The following RBM15B variants were observed in gnomAD, a reference collection of about 807,000 sequenced individuals.
The protein encoded by RBM15B is RNA binding motif protein 15B.
A neutral mutation model predicts 53.3 loss-of-function variants in RBM15B; 11 were observed. That is an observed-to-expected ratio of 0.21 (90% CI 0.13 to 0.34). The LOEUF (loss-of-function observed/expected upper bound fraction) is 0.34, where lower values mean the gene tolerates loss of function less well. Ranked by LOEUF, RBM15B falls within the 10% of genes least tolerant of loss-of-function variation. RBM15B has a pLI of 1.00. For synonymous variants in RBM15B, 631 were observed against 540.7 expected (o/e 1.17, Z -2.32); for missense variants, 1,136 against 1,250.3 (o/e 0.91, Z 1.38).
rs1342747670 is a variant in RBM15B, at chr3:51,392,791, C to T, written c.1392C>T (p.Asp464=). ...CCTATATTCAGTACGAGAGCTTGGA[C>T]GCAGCCCAGGCCGCCTGTGCTAAAA... ...SFAYIQYESL[D]AAQAACAKMR... The change falls in exon 1 of 1, where the codon GAC becomes GAT. Residue 464 remains aspartate, a synonymous_variant. Transcript: ENST00000563281. This position sits in a 1 kb window ranked among gnomAD's most constrained non-coding sequence, Gnocchi z 7.5. 3 of 1,614,008 alleles carry T rather than the reference C, an allele frequency of 1.9e-6. No homozygotes were observed. The highest frequency in any genetic ancestry group is 1.7e-5 in the Admixed American group (1 of 60,006).
Position 51,391,966 on chromosome 3 carries a change from C to T in RBM15B, c.567C>T (p.His189=), listed in dbSNP as rs781957475. 5.0e-6 allele frequency: 8 copies of T among 1,599,912 alleles called. No homozygotes were observed. In the Admixed American group the frequency reaches 1.2e-4, roughly 23 times the overall value. ...LGRVAYVNFR[H]PQDAREARQH... is the part of the protein sequence containing the mutation. ...GTGTGGCCTACGTGAATTTCCGGCACCCACAGGACGCACGCGAGGCCCGCC... is the reference window on the plus strand; with the variant it reads ...GTGTGGCCTACGTGAATTTCCGGCATCCACAGGACGCACGCGAGGCCCGCC... The change falls in exon 1 of 1, where the codon CAC becomes CAT. Residue 189 remains histidine (H), a synonymous_variant. Coordinates refer to ENST00000563281, the MANE Select transcript of RBM15B (RefSeq NM_013286.5). This position sits in a 1 kb window ranked among gnomAD's most constrained non-coding sequence, Gnocchi z 4.5.
chr3:51,392,288 G>C lies in RBM15B; in HGVS notation c.889G>C (p.Gly297Arg). Residue 297 changes from glycine (G) to arginine (R), a missense_variant, in exon 1 of 1, where the codon GGA becomes CGA. Coordinates refer to ENST00000563281, the MANE Select transcript of RBM15B (RefSeq NM_013286.5). This position sits in a 1 kb window ranked among gnomAD's most constrained non-coding sequence, Gnocchi z 7.5. Reference protein sequence around the residue: ...ALDAAAAAAVGLSRERALDYY... With the variant: ...ALDAAAAAAVRLSRERALDYY... The stretch of plus-strand genomic sequence containing the variant: ...GGATGCCGCTGCTGCCGCCGCCGTG[G>C]GACTGTCCCGGGAGCGGGCCCTGGA... The C allele has an allele frequency of 6.2e-7, 1 of 1,607,500 alleles. No individual in the cohort carries two copies. Among genetic ancestry groups the C allele is most frequent in the East Asian group, 2.2e-5 (1 of 44,806 alleles).
In RBM15B at chr3:51,391,439, C is replaced by T. The variant is rs2089034742; in HGVS notation, c.40C>T (p.Arg14Cys). The change falls in exon 1 of 1, where the codon CGC becomes TGC. Residue 14 changes from arginine to cysteine, a missense_variant. Coordinates refer to ENST00000563281, the MANE Select transcript of RBM15B (RefSeq NM_013286.5). This position sits in a 1 kb window ranked among gnomAD's most constrained non-coding sequence, Gnocchi z 4.5. ...CGAGCGAGACTCTAGCCCGAGCGGG[C>T]GCGGCTCGTCATCGTCCGCCAAGCG... ...QSERDSSPSG[R>C]GSSSSAKRPR... 2 of 1,269,702 alleles carry T rather than the reference C, an allele frequency of 1.6e-6. No homozygotes were observed. The highest frequency in any genetic ancestry group is 2.0e-6 in the Non-Finnish European group (2 of 1,004,654). The allele number at this position is 1,269,702 out of a possible 1,614,324, so 78.7% of individuals were successfully genotyped here. A position where few individuals can be genotyped will look rare whatever the true frequency, so the allele number is the denominator to read the frequency against.
In RBM15B at chr3:51,393,945, G is replaced by C. The variant is rs782719599; in HGVS notation, c.2546G>C (p.Gly849Ala). Residue 849 changes from glycine to alanine, a missense_variant, in exon 1 of 1, where the codon GGC becomes GCC. Physicochemically the swap from Gly to Ala is moderately conservative, Grantham distance 60. Around this residue, in one of 7 missense-constraint regions of RBM15B, gnomAD observed 578 missense variants for 581.6 expected, o/e 0.99. Transcript: ENST00000563281. This position sits in a 1 kb window ranked among gnomAD's most constrained non-coding sequence, Gnocchi z 5.6. Reference protein sequence around the residue: ...LPVGGSKGRDGTGMLYAFPPC... With the variant: ...LPVGGSKGRDATGMLYAFPPC... ...GTGGGGGGGTCCAAGGGCAGAGACG[G>C]CACAGGCATGCTCTACGCCTTCCCA... The C allele has an allele frequency of 2.6e-6, 4 of 1,536,736 alleles. No homozygotes were observed. The highest frequency in any genetic ancestry group is 3.5e-6 in the Non-Finnish European group (4 of 1,143,006).
Position 51,392,706 on chromosome 3 carries a change from G to T in RBM15B, c.1307G>T (p.Arg436Leu). The change falls in exon 1 of 1, where the codon CGA becomes CTA. Residue 436 changes from arginine (R) to leucine (L), a missense_variant. Physicochemically the swap from Arg to Leu is moderately radical, Grantham distance 102. Coordinates refer to ENST00000563281, the MANE Select transcript of RBM15B (RefSeq NM_013286.5). The surrounding 1 kb of genome is among the most constrained non-coding windows in gnomAD (Gnocchi z 7.5). ...AACACGTCACTGGCGGCTCTGGCCC[G>T]AGAGTTTGACCGCTTTGGGAGCATT... is the stretch of plus-strand genomic sequence containing the variant. ...GPNTSLAALA[R>L]EFDRFGSIRT... 6.2e-7 allele frequency: 1 copy of T among 1,614,152 alleles called. No homozygotes were observed. The highest frequency in any genetic ancestry group is 1.7e-5 in the Admixed American group (1 of 60,026).
chr3:51,394,277 T>A lies in RBM15B; in HGVS notation c.*205T>A. On this transcript the variant is annotated 3_prime_UTR_variant, in exon 1 of 1. Coordinates refer to ENST00000563281, the MANE Select transcript of RBM15B (RefSeq NM_013286.5). ...TTTTTTTTAAACGATGAGAAGGGAA[T>A]CCGGTTATGTTGATTTCTAGTGTAC... 5.2e-6 allele frequency: 3 copies of A among 577,344 alleles called. No homozygotes were observed. The highest frequency in any genetic ancestry group is 7.9e-6 in the Non-Finnish European group (3 of 380,918). 35.8% of individuals were successfully genotyped at this position (577,344 alleles called of 1,614,324 possible).
Position 51,395,865 on chromosome 3 carries a change from A to G in RBM15B, c.*1793A>G. 5 of 413,518 alleles carry G rather than the reference A, an allele frequency of 1.2e-5. No individual in the cohort carries two copies. In the East Asian group the frequency reaches 1.8e-4, roughly 15 times the overall value. 25.6% of individuals were successfully genotyped at this position (413,518 alleles called of 1,614,324 possible). A position where few individuals can be genotyped will look rare whatever the true frequency, so the allele number is the denominator to read the frequency against. ...ACGTTCATAACAAAACAGCAACACA[A>G]AGACATGTTAAGCATGTTTATTTAT... On this transcript the variant is annotated 3_prime_UTR_variant, in exon 1 of 1. Transcript: ENST00000563281.
At position 51,391,482 on chromosome 3, in the gene RBM15B, G is replaced by GGGAGGCGGAGGC; in HGVS notation, c.86_97dup (p.Glu29_Ala32dup). On this transcript the variant is annotated inframe_insertion, in exon 1 of 1. Transcript: ENST00000563281. This position sits in a 1 kb window ranked among gnomAD's most constrained non-coding sequence, Gnocchi z 4.5. ...GCCAAGCGTCCGCGGGAGCGCGAAC[G>GGGAGGCGGAGGC]GGAGGCGGAGGCGGGCGGGCGGCGG... The GGGAGGCGGAGGC allele has an allele frequency of 1.6e-6, 2 of 1,236,634 alleles. No individual in the cohort carries two copies. The highest frequency in any genetic ancestry group is 2.0e-6 in the Non-Finnish European group (2 of 989,194). 76.6% of individuals were successfully genotyped at this position (1,236,634 alleles called of 1,614,324 possible).
rs1559455672 is a variant in RBM15B at position 51,393,192 on chromosome 3, G to A, written c.1793G>A (p.Ser598Asn). Residue 598 changes from serine to asparagine, a missense_variant, in exon 1 of 1, where the codon AGC (serine) becomes AAC (asparagine). By Grantham distance (46) the Ser-to-Asn change is conservative. Around this residue, in one of 7 missense-constraint regions of RBM15B, gnomAD observed 578 missense variants for 581.6 expected, o/e 0.99. Transcript: ENST00000563281. This position sits in a 1 kb window ranked among gnomAD's most constrained non-coding sequence, Gnocchi z 5.6. ...TGGGAAGAGAGGCGGAAACGGAGAA[G>A]CCTTTCCAGTGACCGTGGGAGGACA... Reference protein sequence around the residue: ...KPWEERRKRRSLSSDRGRTTH... With the variant: ...KPWEERRKRRNLSSDRGRTTH... 2 of 1,613,964 alleles carry A rather than the reference G, an allele frequency of 1.2e-6. No individual in the cohort carries two copies. Among genetic ancestry groups the A allele is most frequent in the Admixed American group, 1.7e-5 (1 of 60,020 alleles).
rs2089097876 is a variant in RBM15B at position 51,394,259 on chromosome 3, T to TA, written c.*190dup. 1 of 769,340 alleles carries TA rather than the reference T, an allele frequency of 1.3e-6. No homozygotes were observed. The highest frequency in any genetic ancestry group is 1.8e-5 in the African/African-American group (1 of 55,062). 47.7% of individuals were successfully genotyped at this position (769,340 alleles called of 1,614,324 possible). A position where few individuals can be genotyped will look rare whatever the true frequency, so the allele number is the denominator to read the frequency against. ...TTAGATTTTGGGGGATTTTTTTTTT[T>TA]AAACGATGAGAAGGGAATCCGGTTA... On this transcript the variant is annotated 3_prime_UTR_variant, in exon 1 of 1. Transcript: ENST00000563281.
chr3:51,392,121 C>A lies in RBM15B; in HGVS notation c.722C>A (p.Pro241Gln). The A allele has an allele frequency of 6.5e-7, 1 of 1,538,526 alleles. No homozygotes were observed. Among genetic ancestry groups the A allele is most frequent in the South Asian group, 1.2e-5 (1 of 85,348 alleles). The change falls in exon 1 of 1, where the codon CCA (proline) becomes CAA (glutamine). Residue 241 changes from proline to glutamine, a missense_variant. Pro to Gln is a moderately conservative substitution (Grantham distance 76). This residue lies in a region of RBM15B where 204 missense variants were observed against 196.8 expected (regional missense o/e 1.04). Transcript: ENST00000563281. This position sits in a 1 kb window ranked among gnomAD's most constrained non-coding sequence, Gnocchi z 7.5. ...AGCGCCGCCGCTTCCACGCCTCCCC[C>A]AGGGCCGCCCGCGCCCGCCGACCCG... ...SSSAAASTPP[P>Q]GPPAPADPLG...
chr3:51,391,975 C>A lies in RBM15B; in HGVS notation c.576C>A (p.Asp192Glu), dbSNP rs782206429. ...VAYVNFRHPQ[D>E]AREARQHALA... is the part of the protein sequence containing the mutation. The stretch of plus-strand genomic sequence containing the variant: ...ACGTGAATTTCCGGCACCCACAGGA[C>A]GCACGCGAGGCCCGCCAGCACGCCC... Residue 192 changes from aspartate to glutamate, a missense_variant, in exon 1 of 1, where the codon GAC becomes GAA. Physicochemically the swap from Asp to Glu is conservative, Grantham distance 45. Coordinates refer to ENST00000563281, the MANE Select transcript of RBM15B (RefSeq NM_013286.5). The surrounding 1 kb of genome is among the most constrained non-coding windows in gnomAD (Gnocchi z 4.5). The A allele has an allele frequency of 1.3e-6, 2 of 1,599,284 alleles. No individual in the cohort carries two copies. The highest frequency in any genetic ancestry group is 4.5e-5 in the East Asian group (2 of 44,514).
Position 51,395,801 on chromosome 3 carries a change from G to A in RBM15B, c.*1729G>A, listed in dbSNP as rs149643764. 1,404 of 413,512 alleles carry A rather than the reference G, an allele frequency of 3.4e-3. 3 individuals carry two copies. Among genetic ancestry groups the A allele is most frequent in the Middle Eastern group, 7.5e-3 (12 of 1,590 alleles). The allele number at this position is 413,512 out of a possible 1,614,324, so 25.6% of individuals were successfully genotyped here. The stretch of plus-strand genomic sequence containing the variant: ...TGGCAGTGCTCTCGTAGACCCCTCG[G>A]TGATGTGGAATGGACAGGTGCCTCG... On this transcript the variant is annotated 3_prime_UTR_variant, in exon 1 of 1. Coordinates refer to ENST00000563281, the MANE Select transcript of RBM15B (RefSeq NM_013286.5).
rs2089031797 is a variant in RBM15B at position 51,391,302 on chromosome 3, C to T, written c.-98C>T. 9.7e-7 allele frequency: 1 copy of T among 1,032,646 alleles called. No individual in the cohort carries two copies. The highest frequency in any genetic ancestry group is 4.8e-5 in the Admixed American group (1 of 20,916). The allele number at this position is 1,032,646 out of a possible 1,614,324, so 64.0% of individuals were successfully genotyped here. A position where few individuals can be genotyped will look rare whatever the true frequency, so the allele number is the denominator to read the frequency against. On this transcript the variant is annotated 5_prime_UTR_variant, in exon 1 of 1. Transcript: ENST00000563281. The surrounding 1 kb of genome is among the most constrained non-coding windows in gnomAD (Gnocchi z 4.5). Reference sequence around the variant, plus strand: ...CCACCGCCGCGCCGAGTCCTTTTGTCCAAGATGGCGGCGCCGGGGGCGCTG... The same window carrying T: ...CCACCGCCGCGCCGAGTCCTTTTGTTCAAGATGGCGGCGCCGGGGGCGCTG...
Position 51,391,318 on chromosome 3 carries a change from G to C in RBM15B, c.-82G>C, listed in dbSNP as rs1577018566. ...TCCTTTTGTCCAAGATGGCGGCGCC[G>C]GGGGCGCTGCCTCCTCGGCCGCCGC... is the stretch of plus-strand genomic sequence containing the variant. On this transcript the variant is annotated 5_prime_UTR_variant, in exon 1 of 1. Transcript: ENST00000563281. The surrounding 1 kb of genome is among the most constrained non-coding windows in gnomAD (Gnocchi z 4.5). 9.9e-6 allele frequency: 11 copies of C among 1,106,140 alleles called. No individual in the cohort carries two copies. Among genetic ancestry groups the C allele is most frequent in the Non-Finnish European group, 1.2e-5 (11 of 892,842 alleles). 68.5% of individuals were successfully genotyped at this position (1,106,140 alleles called of 1,614,324 possible).
In RBM15B at chr3:51,392,563, C is replaced by T. The variant is rs2089056745; in HGVS notation, c.1164C>T (p.Asp388=). The change falls in exon 1 of 1, where the codon GAC becomes GAT. Residue 388 remains aspartate (D), a synonymous_variant. Coordinates refer to ENST00000563281, the MANE Select transcript of RBM15B (RefSeq NM_013286.5). This position sits in a 1 kb window ranked among gnomAD's most constrained non-coding sequence, Gnocchi z 7.5. ...AYAFLKFQNL[D]MAHRAKVAMS... The stretch of plus-strand genomic sequence containing the variant: ...CCTTCCTCAAGTTCCAGAACCTGGA[C>T]ATGGCCCATAGGGCTAAGGTGGCCA... 1.2e-6 allele frequency: 2 copies of T among 1,613,978 alleles called. No homozygotes were observed. The highest frequency in any genetic ancestry group is 1.3e-5 in the African/African-American group (1 of 75,072).
rs1553622196 is a variant in RBM15B at position 51,394,191 on chromosome 3, T to G, written c.*119T>G. ...TATCTCCTGGGTTATTTTGGTTCAT[T>G]TGGGTGGGGATCAAAGTCCTGTCCA... On this transcript the variant is annotated 3_prime_UTR_variant, in exon 1 of 1. Transcript: ENST00000563281. The G allele has an allele frequency of 3.2e-6, 4 of 1,247,052 alleles. No homozygotes were observed. Among genetic ancestry groups the G allele is most frequent in the Non-Finnish European group, 4.1e-6 (4 of 979,910 alleles). 77.2% of individuals were successfully genotyped at this position (1,247,052 alleles called of 1,614,324 possible).
Position 51,393,234 on chromosome 3 carries a change from A to G in RBM15B, c.1835A>G (p.Glu612Gly). 1 of 1,613,818 alleles carries G rather than the reference A, an allele frequency of 6.2e-7. No individual in the cohort carries two copies. The highest frequency in any genetic ancestry group is 1.1e-5 in the South Asian group (1 of 91,068). The change falls in exon 1 of 1, where the codon GAG (glutamate) becomes GGG (glycine). Residue 612 changes from glutamate (E) to glycine (G), a missense_variant. This residue lies in a region of RBM15B where 578 missense variants were observed against 581.6 expected (regional missense o/e 0.99). Coordinates refer to ENST00000563281, the MANE Select transcript of RBM15B (RefSeq NM_013286.5). The surrounding 1 kb of genome is among the most constrained non-coding windows in gnomAD (Gnocchi z 5.6). ...DRGRTTHSPY[E>G]ERSRTKGSGQ... ...GGGAGGACAACCCATTCACCATATG[A>G]GGAACGGAGTAGGACCAAGGGCAGT...
chr3:51,392,339 G>A lies in RBM15B; in HGVS notation c.940G>A (p.Gly314Arg). ...LDYYGLYDDR[G>R]RPYGYPAVCE... ...CTACTACGGGCTGTACGACGACCGT[G>A]GGCGCCCCTATGGCTACCCAGCTGT... Residue 314 changes from glycine to arginine, a missense_variant, in exon 1 of 1, where the codon GGG becomes AGG. Coordinates refer to ENST00000563281, the MANE Select transcript of RBM15B (RefSeq NM_013286.5). The surrounding 1 kb of genome is among the most constrained non-coding windows in gnomAD (Gnocchi z 7.5). 1 of 1,613,678 alleles carries A rather than the reference G, an allele frequency of 6.2e-7. No individual in the cohort carries two copies. The highest frequency in any genetic ancestry group is 1.3e-5 in the African/African-American group (1 of 75,084).
Sources: gnomAD v4.1 joint callset for allele counts on GRCh38, gnomAD v4.1.1 for gene constraint, gnomAD v4.1.1 regional missense constraint, Gnocchi (gnomAD v3.1) non-coding constraint, MANE v1.5 for transcripts, NCBI Gene and HGNC (gene_info 2026-07-23, HGNC 2026-07-21) for gene names.